Variants in RANBP3L observed in about 807,000 individuals in gnomAD.
RANBP3L encodes the protein ran-binding protein 3-like.
RANBP3L carries 56 observed loss-of-function variants against 67.2 expected under a neutral mutation model. That is an observed-to-expected ratio of 0.83 (90% CI 0.67 to 1.04). RANBP3L has a LOEUF of 1.04. RANBP3L is among the 50% of genes least tolerant of loss of function. The pLI is 0.00. For missense variants in RANBP3L, 496 were observed against 535.5 expected (o/e 0.93, Z 0.73); for synonymous variants, 164 against 181.4 (o/e 0.90, Z 0.77).
Position 36,255,456 on chromosome 5 carries a change from A to G in RANBP3L, c.1024+14T>C. 1.2e-6 allele frequency: 2 copies of G among 1,602,674 alleles called. No homozygotes were observed. Among genetic ancestry groups the G allele is most frequent in the East Asian group, 2.2e-5 (1 of 44,638 alleles). On this transcript the variant is annotated intron_variant, in intron 11 of 13. Coordinates refer to ENST00000296604, the MANE Select transcript of RANBP3L (RefSeq NM_145000.5). ...CTGACAAATTATGGCTTGCTTTACA[A>G]AAGGATTCCTTACTTAGTCTTGACT...
intron 1 of RANBP3L, among the ~76,000 whole-genome samples, chr5:36,297,576 A>G (rs1254846317): frequency 1.3e-5 from 2 of 152,246 alleles, no homozygotes; most frequent in Admixed American, 6.5e-5. Context: ...ACCATAATAC[A>G]TAAGGAAGGT....
At chr5:36,274,295 G>A (rs1046317023) in intron 1 of RANBP3L, among the ~76,000 whole-genome samples, 3 of 152,182 alleles carry the variant, frequency 2.0e-5, no homozygotes, top group African/African-American at 4.8e-5. Context: ...AATTAATTAC[G>A]CAATTATTGA....
intron 1 of RANBP3L, among the ~76,000 whole-genome samples, chr5:36,279,014 C>G (rs958383400): frequency 5.3e-5 from 8 of 152,002 alleles, no homozygotes; most frequent in African/African-American, 1.9e-4. Flanking sequence ...CTCTAAAATT[C>G]CTCAACAAAA....
intron 8 of RANBP3L, among the ~76,000 whole-genome samples, chr5:36,258,086 A>G (rs1387636304): frequency 6.6e-6 from 1 of 152,170 alleles, no homozygotes; most frequent in Admixed American, 6.5e-5. Flanking sequence ...GAAAAAAACA[A>G]AAAAGTTATC....
At chr5:36,277,884 G>T (rs1382769870) in intron 1 of RANBP3L, among the ~76,000 whole-genome samples, 1 of 152,158 alleles carries the variant, frequency 6.6e-6, no homozygotes, top group Non-Finnish European at 1.5e-5. Flanking sequence ...AATCATGGTG[G>T]AAGGTGAGAA....
chr5:36,286,424 A>G (rs775062624), intron 1 of RANBP3L, among the ~76,000 whole-genome samples: 18 of 152,102 alleles, frequency 1.2e-4, no homozygotes, highest in Non-Finnish European at 2.6e-4. Flanking sequence ...ATCACTTCCT[A>G]ACACTCACTT....
intron 11 of RANBP3L, among the ~76,000 whole-genome samples, 198 bp from the exon 12 acceptor site, chr5:36,253,987 A>G (rs1748785230): frequency 6.6e-6 from 1 of 152,110 alleles, no homozygotes; most frequent in Non-Finnish European, 1.5e-5. Flanking sequence ...TAAATGCTGA[A>G]ATTACACTTT....
rs771998840 is a variant in RANBP3L at position 36,264,925 on chromosome 5, T to C, written c.480+34A>G. 30 of 1,591,016 alleles carry C rather than the reference T, an allele frequency of 1.9e-5. 1 individual carries two copies. In the Admixed American group the frequency reaches 4.3e-4, roughly 23 times the overall value. ...AACCTGCAAAAAGAAAGATGAGGGA[T>C]TGAGGTCAGTTCCGTTATCCTGGGC... On this transcript the variant is annotated intron_variant, in intron 6 of 13. Transcript: ENST00000296604.
At chr5:36,267,274 C>T (rs766807748) in intron 4 of RANBP3L, among the ~76,000 whole-genome samples, 31 of 152,004 alleles carry the variant, frequency 2.0e-4, no homozygotes, top group Non-Finnish European at 3.5e-4. Context: ...TTTGGGAGGC[C>T]GAGGTGGGCG....
intron 1 of RANBP3L, among the ~76,000 whole-genome samples, chr5:36,272,627 G>T (rs935742427): frequency 6.6e-6 from 1 of 151,984 alleles, no homozygotes; most frequent in African/African-American, 2.4e-5. Flanking sequence ...GTTTAGTGGG[G>T]TTTTTTTGTT....
intron 1 of RANBP3L, among the ~76,000 whole-genome samples, chr5:36,282,279 G>T (rs143834905): frequency 5.9e-5 from 9 of 152,262 alleles, no homozygotes; most frequent in Admixed American, 3.9e-4. Context: ...AGGCACATAC[G>T]CAAGTCTAAA....
chr5:36,292,497 A>G (rs1751867295), intron 1 of RANBP3L, among the ~76,000 whole-genome samples: 1 of 152,142 alleles, frequency 6.6e-6, no homozygotes, highest in African/African-American at 2.4e-5. Flanking sequence ...CTGAATGGTA[A>G]TGTCTAGGTT....
chr5:36,295,406 G>A (rs951154618), intron 1 of RANBP3L, among the ~76,000 whole-genome samples: 3 of 151,966 alleles, frequency 2.0e-5, no homozygotes, highest in Non-Finnish European at 4.4e-5. Context: ...TCTCCTTCCT[G>A]CCACCATGTG....
intron 1 of RANBP3L, among the ~76,000 whole-genome samples, chr5:36,281,086 G>A (rs560473863): frequency 6.6e-6 from 1 of 152,248 alleles, no homozygotes; most frequent in African/African-American, 2.4e-5. Context: ...GGAACTAGAG[G>A]TATGGTTTTA....
intron 1 of RANBP3L, among the ~76,000 whole-genome samples, chr5:36,273,976 C>T (rs113791013): frequency 0.054 from 8,258 of 152,152 alleles, 795 homozygotes; most frequent in African/African-American, 0.19. Context: ...TCACAGGAGG[C>T]CAACTCTTCA....
At position 36,255,492 on chromosome 5, in the gene RANBP3L, A is replaced by G. The variant is rs752337210; in HGVS notation, c.1002T>C (p.Cys334=). Residue 334 remains cysteine, a synonymous_variant, in exon 11 of 14, where the codon TGT becomes TGC. Coordinates refer to ENST00000296604, the MANE Select transcript of RANBP3L (RefSeq NM_145000.5). Reference sequence around the variant, plus strand: ...TACTTAGTCTTGACTGTAATGTTCCACAGTCAGTGCTTGCTGTGTCATTCA... The same window carrying G: ...TACTTAGTCTTGACTGTAATGTTCCGCAGTCAGTGCTTGCTGTGTCATTCA... The part of the protein sequence containing the change: ...LRLNDTASTD[C]GTLQSRLIMR... 2.5e-6 allele frequency: 4 copies of G among 1,611,358 alleles called. No individual in the cohort carries two copies. Among genetic ancestry groups the G allele is most frequent in the Admixed American group, 1.7e-5 (1 of 59,850 alleles).
At chr5:36,268,711 T>A (rs1749985400) in intron 4 of RANBP3L, among the ~76,000 whole-genome samples, 1 of 151,824 alleles carries the variant, frequency 6.6e-6, no homozygotes, top group Admixed American at 6.6e-5. Context: ...AATAGGCGGT[T>A]ACTTTTTTTT....
chr5:36,274,635 G>A (rs1053097523), intron 1 of RANBP3L, among the ~76,000 whole-genome samples: 1 of 152,168 alleles, frequency 6.6e-6, no homozygotes, highest in Non-Finnish European at 1.5e-5. Context: ...AGGCCTTGCA[G>A]GTTCTATCAG....
chr5:36,283,535 A>G (rs1486734494), intron 1 of RANBP3L, among the ~76,000 whole-genome samples: 1 of 124,072 alleles, frequency 8.1e-6, no homozygotes, highest in Non-Finnish European at 1.6e-5. Context: ...TCTGTATATA[A>G]AAATACACAC....
Sources: gnomAD v4.1 joint callset for allele counts (sites outside exome capture counted in the v4.1 genomes callset) on GRCh38, gnomAD v4.1.1 for gene constraint, MANE v1.5 for transcripts, NCBI Gene and HGNC (gene_info 2026-07-23, HGNC 2026-07-21) for gene names.